DCC: variants seen among roughly 807,000 people sequenced by gnomAD.
The protein encoded by DCC is netrin receptor DCC.
DCC carries 58 observed loss-of-function variants against 172.5 expected under a neutral mutation model. That is an observed-to-expected ratio of 0.34 (90% CI 0.27 to 0.42). DCC has a LOEUF of 0.42. DCC is among the 10% of genes least tolerant of loss of function. The pLI is 1.00. For synonymous variants in DCC, 709 were observed against 644.5 expected, an observed-to-expected ratio of 1.10 and a Z score of -1.52; for missense variants, 1,740 against 1,791.0, an observed-to-expected ratio of 0.97 and a Z score of 0.51.
At chr18:52,757,647 T>C (rs1003546197) in intron 2 of DCC, among the ~76,000 whole-genome samples, 7 of 152,086 alleles carry the variant, frequency 4.6e-5, no homozygotes, top group African/African-American at 1.7e-4. Flanking sequence ...GACTGCTGGA[T>C]ACATTATATT....
At chr18:53,157,063 C>A (rs559577460) in intron 7 of DCC, among the ~76,000 whole-genome samples, 1 of 152,164 alleles carries the variant, frequency 6.6e-6, no homozygotes, top group East Asian at 1.9e-4. Context: ...CTCCCCTTTT[C>A]TTCCCTGAGC....
At chr18:52,845,917 T>C (rs1014966150) in intron 2 of DCC, among the ~76,000 whole-genome samples, 11 of 150,032 alleles carry the variant, frequency 7.3e-5, no homozygotes, top group African/African-American at 2.7e-4. Flanking sequence ...GTTAGTTTGT[T>C]GTTTCTGATT....
chr18:53,123,030 T>A (rs1420611277), intron 7 of DCC, among the ~76,000 whole-genome samples: 1 of 152,010 alleles, frequency 6.6e-6, no homozygotes, highest in South Asian at 2.1e-4. Context: ...ACTGTACAGA[T>A]CATCGTGAGC....
chr18:52,633,078 C>A (rs1202712955), intron 1 of DCC, among the ~76,000 whole-genome samples: 1 of 152,056 alleles, frequency 6.6e-6, no homozygotes, highest in Non-Finnish European at 1.5e-5. Context: ...CCTAAAATTT[C>A]ATGTCATCCT....
intron 1 of DCC, among the ~76,000 whole-genome samples, chr18:52,614,800 G>A (rs1036720354): frequency 4.6e-5 from 7 of 152,066 alleles, no homozygotes; most frequent in Non-Finnish European, 7.4e-5. Flanking sequence ...GATGGCATAT[G>A]TGTCTCTATA....
chr18:52,981,333 T>G (rs1324830049), intron 5 of DCC, among the ~76,000 whole-genome samples: 2 of 152,160 alleles, frequency 1.3e-5, no homozygotes, highest in Admixed American at 1.3e-4. Context: ...ACAGTTCTTT[T>G]CTTTTTCATA....
At chr18:53,253,350 A>G (rs964792775) in intron 12 of DCC, among the ~76,000 whole-genome samples, 2 of 152,162 alleles carry the variant, frequency 1.3e-5, no homozygotes, top group Non-Finnish European at 1.5e-5. Flanking sequence ...AAAAATCCCT[A>G]TGGGGTAGAA....
intron 1 of DCC, among the ~76,000 whole-genome samples, chr18:52,436,125 C>T (rs1418522668): frequency 1.3e-5 from 2 of 152,172 alleles, no homozygotes; most frequent in Non-Finnish European, 2.9e-5. Context: ...GAGGGCTAGA[C>T]CCGAAAAGAG....
intron 7 of DCC, among the ~76,000 whole-genome samples, chr18:53,113,496 T>A (rs1251672123): frequency 6.6e-6 from 1 of 151,468 alleles, no homozygotes; most frequent in Non-Finnish European, 1.5e-5. Flanking sequence ...ACAGATTCTA[T>A]TTTTCTTTAT....
chr18:52,913,946 A>T lies in DCC; in HGVS notation c.697+7618A>T, dbSNP rs1369634953. Among the ~76,000 whole-genome samples, 10 of 152,246 alleles carry T rather than the reference A, an allele frequency of 6.6e-5. No individual in the cohort carries two copies. In the East Asian group the frequency reaches 1.9e-3, roughly 29 times the overall value. On this transcript the variant is annotated intron_variant, in intron 3 of 28. Transcript: ENST00000442544. ...CTATTTATTCCTGGAACATAAAAAA[A>T]GACAAATTTAGTCATAAATTATAGG...
At chr18:53,197,866 G>C (rs1182494449) in intron 9 of DCC, among the ~76,000 whole-genome samples, 4 of 152,012 alleles carry the variant, frequency 2.6e-5, no homozygotes, top group Non-Finnish European at 5.9e-5. Flanking sequence ...AGAAAGAAAA[G>C]ATAAAAAGTG....
chr18:53,046,494 G>A (rs1416898221), intron 5 of DCC, among the ~76,000 whole-genome samples: 1 of 149,992 alleles, frequency 6.7e-6, no homozygotes, highest in Non-Finnish European at 1.5e-5. Context: ...AAAAAAGCCT[G>A]CAGATAATTT....
intron 1 of DCC, among the ~76,000 whole-genome samples, chr18:52,674,779 C>CGGGGGA (rs1568034932): frequency 6.6e-6 from 1 of 152,196 alleles, no homozygotes; most frequent in Non-Finnish European, 1.5e-5. Flanking sequence ...CTAAGGCTCC[C>CGGGGGA]CCGCCATCTG....
At chr18:52,894,031 G>GT (rs1413752017) in intron 2 of DCC, among the ~76,000 whole-genome samples, 1 of 152,230 alleles carries the variant, frequency 6.6e-6, no homozygotes, top group Admixed American at 6.6e-5. Context: ...TAGATTCACT[G>GT]TTTTTTCTTT....
intron 25 of DCC, 69 bp from the exon 26 acceptor site, chr18:53,486,728 C>A: frequency 6.2e-7 from 1 of 1,605,426 alleles, no homozygotes. Flanking sequence ...AAAATTCCAC[C>A]GTTTTCTTTT....
intron 1 of DCC, among the ~76,000 whole-genome samples, chr18:52,407,992 T>C (rs1986711376): frequency 1.3e-5 from 2 of 152,092 alleles, no homozygotes; most frequent in Non-Finnish European, 2.9e-5. Context: ...TTAATGTGGT[T>C]AAGACTTAAG....
chr18:52,924,841 A>G (rs2040177150), intron 4 of DCC, among the ~76,000 whole-genome samples: 1 of 152,026 alleles, frequency 6.6e-6, no homozygotes, highest in Non-Finnish European at 1.5e-5. Flanking sequence ...TGCAGTATCA[A>G]ATATGGTTTT....
intron 2 of DCC, among the ~76,000 whole-genome samples, chr18:52,838,259 T>C (rs1320681733): frequency 2.0e-5 from 3 of 152,230 alleles, no homozygotes; most frequent in African/African-American, 7.2e-5. Context: ...TTTTATATTA[T>C]GAATTTTTTG....
In DCC at chr18:53,499,477, A is replaced by G. The variant is rs1224083947; in HGVS notation, c.4078A>G (p.Lys1360Glu). 1 of 1,614,038 alleles carries G rather than the reference A, an allele frequency of 6.2e-7. No homozygotes were observed. The highest frequency in any genetic ancestry group is 8.5e-7 in the Non-Finnish European group (1 of 1,180,002). ...TCCACCAATGAGTGCAATAGAACCG[A>G]AAGTCCCTTACACACCACTTTTGTC... ...LPPPMSAIEP[K>E]VPYTPLLSQP... The change falls in exon 27 of 29, where the codon AAA (lysine) becomes GAA (glutamate). Residue 1360 changes from lysine (K) to glutamate (E), a missense_variant. Around this residue, in one of 2 missense-constraint regions of DCC, gnomAD observed 1,732 missense variants for 1,767.4 expected, o/e 0.98. Transcript: ENST00000442544.
Sources: gnomAD v4.1 joint callset for allele counts (sites outside exome capture counted in the v4.1 genomes callset) on GRCh38, gnomAD v4.1.1 for gene constraint, gnomAD v4.1.1 regional missense constraint, MANE v1.5 for transcripts, NCBI Gene and HGNC (gene_info 2026-07-23, HGNC 2026-07-21) for gene names.